Variants in TPR observed in about 807,000 individuals in gnomAD.
TPR encodes the protein nucleoprotein TPR.
Under a neutral mutation model 316.1 loss-of-function variants are expected in TPR, and 51 were observed. The observed-to-expected ratio is 0.16, with a 90% CI of 0.13 to 0.20. The LOEUF is 0.20. Ranked by LOEUF, TPR falls within the 10% of genes least tolerant of loss-of-function variation. TPR has a pLI of 1.00. For missense variants in TPR, 2,272 were observed against 2,754.8 expected, an observed-to-expected ratio of 0.82 and a Z score of 3.92; for synonymous variants, 981 against 914.7, an observed-to-expected ratio of 1.07 and a Z score of -1.31.
Position 186,337,062 on chromosome 1 carries a change from G to A in TPR, c.4457C>T (p.Ala1486Val). The A allele has an allele frequency of 6.2e-7, 1 of 1,613,856 alleles. No homozygotes were observed. The highest frequency in any genetic ancestry group is 8.5e-7 in the Non-Finnish European group (1 of 1,179,842). ...TTCAAGTGATTTTGATTTTGTTTCA[G>A]CTTGGTTGAGCGTTTCTTTGAGTTC... ...MQELKETLNQ[A>V]ETKSKSLESQ... Residue 1486 changes from alanine to valine, a missense_variant, in exon 32 of 51, where the codon GCT (alanine) becomes GTT (valine). Around this residue, in one of 10 missense-constraint regions of TPR, gnomAD observed 101 missense variants for 113.0 expected, o/e 0.89. Coordinates refer to ENST00000367478, the MANE Select transcript of TPR (RefSeq NM_003292.3).
At chr1:186,362,408 A>G (rs1659223536) in intron 6 of TPR, 28 bp from the exon 7 acceptor site, 2 of 1,555,142 alleles carry the variant, frequency 1.3e-6, no homozygotes, top group Non-Finnish European at 1.8e-6. Flanking sequence ...AGCAGGGGGA[A>G]AGGATGTCAT....
chr1:186,362,904 G>T lies in TPR; in HGVS notation c.629C>A (p.Ala210Asp). 4 of 1,611,126 alleles carry T rather than the reference G, an allele frequency of 2.5e-6. No individual in the cohort carries two copies. The highest frequency in any genetic ancestry group is 3.3e-4 in the Middle Eastern group (2 of 6,042). ...CTCATTCCCTTTTTCTCTTCCAAGA[G>T]CCAGAAGTTCATCAGTTTTGGTTTT... ...ELKTKTDELL[A>D]LGREKGNEIL... Residue 210 changes from alanine (A) to aspartate (D), a missense_variant, in exon 6 of 51, where the codon GCT becomes GAT. Coordinates refer to ENST00000367478, the MANE Select transcript of TPR (RefSeq NM_003292.3).
At position 186,326,134 on chromosome 1, in the gene TPR, G is replaced by A. The variant is rs1657924020; in HGVS notation, c.5991C>T (p.Gly1997=). 6.2e-7 allele frequency: 1 copy of A among 1,613,312 alleles called. No individual in the cohort carries two copies. Among genetic ancestry groups the A allele is most frequent in the Admixed American group, 1.7e-5 (1 of 59,958 alleles). Residue 1997 remains glycine, a synonymous_variant, in exon 41 of 51, where the codon GGC becomes GGT. Coordinates refer to ENST00000367478, the MANE Select transcript of TPR (RefSeq NM_003292.3). ...DSNEGTGSAD[G]NDGYEADDAE... is the part of the protein sequence containing the mutation. ...CATCATCAGCTTCATAACCATCATTGCCATCGGCACTACCAGTTCCTTCAT... is the reference window on the plus strand; with the variant it reads ...CATCATCAGCTTCATAACCATCATTACCATCGGCACTACCAGTTCCTTCAT...
At chr1:186,333,015 C>T (rs1314039359) in intron 37 of TPR, 107 bp downstream of exon 37, 3 of 1,363,118 alleles carry the variant, frequency 2.2e-6, no homozygotes, top group Non-Finnish European at 2.9e-6. Context: ...TAGGTCTATT[C>T]TAACTTCATT....
chr1:186,313,921 TA>T lies in TPR; in HGVS notation c.*49del. ...TTTTTAAACTTGACAATCATTACAC[TA>T]AAACAGATTTGATAATCTTATTCAC... On this transcript the variant is annotated 3_prime_UTR_variant, in exon 51 of 51. Transcript: ENST00000367478. The T allele has an allele frequency of 6.3e-7, 1 of 1,586,590 alleles. No homozygotes were observed. Among genetic ancestry groups the T allele is most frequent in the Admixed American group, 1.7e-5 (1 of 59,842 alleles).
At chr1:186,374,233 T>C (rs1659622524) in intron 1 of TPR, among the ~76,000 whole-genome samples, 1 of 152,174 alleles carries the variant, frequency 6.6e-6, no homozygotes, top group African/African-American at 2.4e-5. Context: ...TTTTCAAGGA[T>C]GTTCAAGCCA....
intron 17 of TPR, among the ~76,000 whole-genome samples, chr1:186,354,346 C>T (rs975261706): frequency 1.3e-5 from 2 of 152,078 alleles, no homozygotes; most frequent in African/African-American, 2.4e-5. Flanking sequence ...ATTGATAACA[C>T]CAGACACCCA....
chr1:186,336,656 C>T lies in TPR; in HGVS notation c.4545G>A (p.Gln1515=). 3 of 1,613,698 alleles carry T rather than the reference C, an allele frequency of 1.9e-6. No individual in the cohort carries two copies. Among genetic ancestry groups the T allele is most frequent in the Non-Finnish European group, 2.5e-6 (3 of 1,179,840 alleles). The change falls in exon 33 of 51, where the codon CAG becomes CAA. Residue 1515 remains glutamine (Q), a synonymous_variant. Transcript: ENST00000367478. Reference sequence around the variant, plus strand: ...CAGACTGAAGTTGCACAGTCTGTTCCTGGAGATTTCTTGCTTCTGTCTCTT... The same window carrying T: ...CAGACTGAAGTTGCACAGTCTGTTCTTGGAGATTTCTTGCTTCTGTCTCTT... ...SEKETEARNL[Q]EQTVQLQSEL...
At chr1:186,345,832 T>A in intron 23 of TPR, 136 bp from the exon 24 acceptor site, 1 of 680,326 alleles carries the variant, frequency 1.5e-6, no homozygotes. Flanking sequence ...AAATTTAAAA[T>A]GTTTACACCC....
At chr1:186,332,698 T>C (rs1046385540) in intron 37 of TPR, among the ~76,000 whole-genome samples, 2 of 152,142 alleles carry the variant, frequency 1.3e-5, no homozygotes, top group Admixed American at 6.6e-5. Context: ...TCAGGACTCC[T>C]TGAATAAGAA....
At chr1:186,325,559 G>A (rs760342839) in intron 42 of TPR, 79 of 432,824 alleles carry the variant, frequency 1.8e-4, no homozygotes, top group Non-Finnish European at 2.9e-4. Flanking sequence ...GCAGCCCAAT[G>A]AGGCAGAAAA....
At position 186,355,463 on chromosome 1, in the gene TPR, A is replaced by G; in HGVS notation, c.2118T>C (p.Asp706=). The stretch of plus-strand genomic sequence containing the variant: ...AAATTTTGGTATTTTGTGATCGCAA[A>G]TCTGTAACTTGTTCTTGAAGTTTCT... The part of the protein sequence containing the change: ...QLEKLQEQVT[D]LRSQNTKIST... The change falls in exon 17 of 51, where the codon GAT becomes GAC. Residue 706 remains aspartate, a synonymous_variant. Coordinates refer to ENST00000367478, the MANE Select transcript of TPR (RefSeq NM_003292.3). The G allele has an allele frequency of 1.2e-6, 2 of 1,612,418 alleles. No homozygotes were observed. Among genetic ancestry groups the G allele is most frequent in the African/African-American group, 1.3e-5 (1 of 74,890 alleles).
At chr1:186,367,060 C>CT (rs71104854) in intron 4 of TPR, among the ~76,000 whole-genome samples, 3,897 of 89,606 alleles carry the variant, frequency 0.043, 89 homozygotes, top group East Asian at 0.053. Context: ...CCCAAAACAC[C>CT]TTTTTTTTTT....
At position 186,332,232 on chromosome 1, in the gene TPR, G is replaced by A; in HGVS notation, c.5567C>T (p.Pro1856Leu). Residue 1856 changes from proline to leucine, a missense_variant, in exon 38 of 51, where the codon CCA becomes CTA. Physicochemically the swap from Pro to Leu is moderately conservative, Grantham distance 98 (BLOSUM62 -3). This residue lies in a region of TPR where 435 missense variants were observed against 461.1 expected (regional missense o/e 0.94). Transcript: ENST00000367478. ...VSDDTVEMPL[P>L]KKLKSVTPVG... ...AGGTGTGACACTTTTCAACTTCTTT[G>A]GAAGAGGCATTTCCACTGTATCATC... The A allele has an allele frequency of 6.2e-7, 1 of 1,611,924 alleles. No individual in the cohort carries two copies.
chr1:186,361,417 GCTGT>G (rs1022147788), intron 9 of TPR, among the ~76,000 whole-genome samples: 7 of 151,852 alleles, frequency 4.6e-5, no homozygotes, highest in African/African-American at 1.7e-4. Flanking sequence ...AAAACCCCCT[GCTGT>G]CTGTATTTTC....
rs1335607193 is a variant in TPR, at chr1:186,335,552, G to T, written c.4706-9C>A. The T allele has an allele frequency of 5.8e-6, 9 of 1,564,950 alleles. No individual in the cohort carries two copies. In the African/African-American group the frequency reaches 6.9e-5, roughly 12 times the overall value. On this transcript the variant is annotated splice_polypyrimidine_tract_variant and intron_variant, in intron 33 of 50. Coordinates refer to ENST00000367478, the MANE Select transcript of TPR (RefSeq NM_003292.3). ...TAGCTGATCTTTTACACCTAAAGAA[G>T]TAACCAGGCGATTATATTAATATTA... is the stretch of plus-strand genomic sequence containing the variant.
chr1:186,367,826 T>A, intron 4 of TPR, 60 bp downstream of exon 4: 1 of 1,261,676 alleles, frequency 7.9e-7, no homozygotes. Flanking sequence ...CACTAACTCC[T>A]AGCACTAACA....
At chr1:186,344,999 A>G (rs1658632629) in intron 24 of TPR, among the ~76,000 whole-genome samples, 1 of 152,164 alleles carries the variant, frequency 6.6e-6, no homozygotes, top group South Asian at 2.1e-4. Flanking sequence ...AAATAAGAAC[A>G]TTACCAATAT....
intron 9 of TPR, 40 bp downstream of exon 9, chr1:186,361,582 C>A (rs746700824): frequency 5.1e-6 from 8 of 1,556,114 alleles, no homozygotes; most frequent in Admixed American, 3.5e-5. Context: ...AAAAAGAGTA[C>A]AATAACAAAA....
Sources: allele counts gnomAD v4.1 joint callset (sites outside exome capture counted in the v4.1 genomes callset), GRCh38; gene constraint gnomAD v4.1.1; regional missense constraint gnomAD v4.1.1; transcripts MANE v1.5; gene names NCBI Gene and HGNC (gene_info 2026-07-23, HGNC 2026-07-21).